AKR1C3: variants seen among roughly 807,000 people sequenced by gnomAD.
AKR1C3 encodes 3-alpha hydroxysteroid dehydrogenase, type II.
Under a neutral mutation model 43.6 loss-of-function variants are expected in AKR1C3, and 48 were observed. The observed-to-expected ratio is 1.10, with a 90% CI of 0.87 to 1.40. The LOEUF (loss-of-function observed/expected upper bound fraction) is 1.40, where lower values mean the gene tolerates loss of function less well. Ranked by LOEUF, AKR1C3 falls within the 40% of genes most tolerant of loss-of-function variation. The pLI is 0.00. For synonymous variants in AKR1C3, 162 were observed against 139.6 expected (o/e 1.16, Z -1.13); for missense variants, 482 against 391.2 (o/e 1.23, Z -1.96).
In AKR1C3 at chr10:5,096,416, A is replaced by G. The variant is rs1839208713; in HGVS notation, c.91A>G (p.Arg31Gly). The change falls in exon 2 of 9, where the codon AGA becomes GGA. Residue 31 changes from arginine (R) to glycine (G), a missense_variant. Coordinates refer to ENST00000380554, the MANE Select transcript of AKR1C3 (RefSeq NM_003739.6). ...FGTYAPPEVPRSKALEVTKLA... is the reference protein window; with the variant it reads ...FGTYAPPEVPGSKALEVTKLA... The stretch of plus-strand genomic sequence containing the variant: ...CCTTTGGTTGCTCCTCCAGGTTCCG[A>G]GAAGTAAAGCTTTGGAGGTCACAAA... The G allele has an allele frequency of 6.8e-6, 11 of 1,612,974 alleles. No homozygotes were observed. The highest frequency in any genetic ancestry group is 9.3e-6 in the Non-Finnish European group (11 of 1,179,282).
At chr10:5,070,666 A>G (rs1554781250) in intron 1 of AKR1C3, among the ~76,000 whole-genome samples, 1 of 152,188 alleles carries the variant, frequency 6.6e-6, no homozygotes, top group East Asian at 1.9e-4. Context: ...TGAGTGTGGA[A>G]CCATAATAAA....
At chr10:5,061,946 C>G (rs1340963828) in intron 1 of AKR1C3, among the ~76,000 whole-genome samples, 9 of 152,248 alleles carry the variant, frequency 5.9e-5, no homozygotes, top group Non-Finnish European at 1.2e-4. Context: ...AGCAAACTCT[C>G]CAAAATCCCA....
rs73591817 is a variant in AKR1C3, at chr10:5,076,812, G to A, written c.85-19598G>A. Among the ~76,000 whole-genome samples the A allele has an allele frequency of 2.7e-3, 411 of 152,204 alleles. 3 individuals carry two copies. Among genetic ancestry groups the A allele is most frequent in the African/African-American group, 8.5e-3 (354 of 41,558 alleles). ...GAAGTTCTCCCTCCTGACATGCTAC[G>A]CCATTACCCAGCCAAAGGAGCACTG... is the stretch of plus-strand genomic sequence containing the variant. On this transcript the variant is annotated intron_variant, in intron 1 of 8. Transcript: ENST00000439082.
intron 1 of AKR1C3, among the ~76,000 whole-genome samples, chr10:5,087,060 C>A (rs1341786928): frequency 2.0e-5 from 3 of 152,040 alleles, no homozygotes; most frequent in African/African-American, 7.2e-5. Context: ...GCATTTAGAC[C>A]ATTTACATTT....
intron 1 of AKR1C3, among the ~76,000 whole-genome samples, chr10:5,060,194 T>A (rs1001708030): frequency 1.6e-4 from 24 of 152,174 alleles, no homozygotes; most frequent in Non-Finnish European, 1.9e-4. Flanking sequence ...GTAGCAAGAT[T>A]TATTGCAAAG....
intron 1 of AKR1C3, among the ~76,000 whole-genome samples, chr10:5,061,998 T>C (rs1838392625): frequency 6.6e-6 from 1 of 152,248 alleles, no homozygotes. Context: ...GCACAAAGTT[T>C]TCAAACTTTA....
chr10:5,049,019 A>G (rs1838095366), intron 1 of AKR1C3: 7 of 732,978 alleles, frequency 9.6e-6, no homozygotes, highest in South Asian at 5.0e-5. Context: ...GAGTTTCCCT[A>G]GGTTAAAGCT....
chr10:5,100,530 C>T (rs1554785793), intron 5 of AKR1C3, among the ~76,000 whole-genome samples: 1 of 152,092 alleles, frequency 6.6e-6, no homozygotes, highest in Non-Finnish European at 1.5e-5. Context: ...GTTAATGATT[C>T]CAGGCCTCCT....
At chr10:5,099,293 C>T (rs1839290232) in intron 4 of AKR1C3, 34 bp from the exon 5 acceptor site, 2 of 1,613,542 alleles carry the variant, frequency 1.2e-6, no homozygotes, top group South Asian at 2.2e-5. Flanking sequence ...CAGCCAACTG[C>T]ACAAATAATT....
At chr10:5,103,048 C>G (rs1351315172) in intron 7 of AKR1C3, among the ~76,000 whole-genome samples, 2 of 151,572 alleles carry the variant, frequency 1.3e-5, no homozygotes, top group African/African-American at 4.9e-5. Context: ...TACCACCAAG[C>G]CCGGCTAATT....
At chr10:5,072,209 C>T (rs1377613158) in intron 1 of AKR1C3, among the ~76,000 whole-genome samples, 2 of 152,092 alleles carry the variant, frequency 1.3e-5, no homozygotes, top group Non-Finnish European at 2.9e-5. Context: ...CAAACCCTGG[C>T]ATAAGTCAAA....
At position 5,094,532 on chromosome 10, in the gene AKR1C3, A is replaced by G. The variant is rs782109978; in HGVS notation, c.84+4A>G. ...TGGCACCTATGCACCTCCAGAGGTA[A>G]GAATAATTCCTTTTAGTTTTCGGAT... On this transcript the variant is annotated splice_donor_region_variant and intron_variant, in intron 1 of 8. Transcript: ENST00000380554. The G allele has an allele frequency of 2.5e-6, 4 of 1,612,376 alleles. No homozygotes were observed. Among genetic ancestry groups the G allele is most frequent in the Admixed American group, 1.7e-5 (1 of 59,958 alleles).
intron 2 of AKR1C3, 37 bp from the exon 3 acceptor site, chr10:5,097,397 T>G (rs942348188): frequency 4.4e-6 from 7 of 1,605,728 alleles, no homozygotes; most frequent in Non-Finnish European, 6.0e-6. Flanking sequence ...TGCTCAAGCA[T>G]TCATTCAAAA....
chr10:5,054,421 G>T (rs183804719), intron 1 of AKR1C3, among the ~76,000 whole-genome samples: 2 of 152,264 alleles, frequency 1.3e-5, no homozygotes, highest in Admixed American at 1.3e-4. Flanking sequence ...GAGGGGTACT[G>T]ATAAGGTCTG....
chr10:5,096,744 T>A (rs1839216662), intron 2 of AKR1C3, among the ~76,000 whole-genome samples, 167 bp downstream of exon 2: 1 of 152,182 alleles, frequency 6.6e-6, no homozygotes, highest in South Asian at 2.1e-4. Flanking sequence ...GGAATGATGA[T>A]CACTTTTCAT....
chr10:5,076,083 G>A (rs553377236), intron 1 of AKR1C3, among the ~76,000 whole-genome samples: 4 of 152,090 alleles, frequency 2.6e-5, no homozygotes, highest in Non-Finnish European at 5.9e-5. Flanking sequence ...TTGCATTTAA[G>A]CCTGTTTTTA....
rs1341249383 is a variant in AKR1C3, at chr10:5,084,642, C to T, written c.85-11768C>T. Among the ~76,000 whole-genome samples the T allele has an allele frequency of 6.6e-5, 10 of 152,158 alleles. No homozygotes were observed. The East Asian group carries it at 1.5e-3, about 23-fold the overall frequency. Reference sequence around the variant, plus strand: ...GTAATTGGTAGCTTGATGGGGATGGCATTGAATCTATAAATTACCTTGGGC... The same window carrying T: ...GTAATTGGTAGCTTGATGGGGATGGTATTGAATCTATAAATTACCTTGGGC... On this transcript the variant is annotated intron_variant, in intron 1 of 8. Transcript: ENST00000439082.
chr10:5,078,503 C>T (rs1159322565), intron 1 of AKR1C3, among the ~76,000 whole-genome samples: 1 of 152,146 alleles, frequency 6.6e-6, no homozygotes, highest in Non-Finnish European at 1.5e-5. Context: ...AAAGTTTTCT[C>T]AGGGTAAACT....
chr10:5,056,244 T>C (rs1198403491), intron 1 of AKR1C3, among the ~76,000 whole-genome samples: 2 of 152,076 alleles, frequency 1.3e-5, no homozygotes, highest in Non-Finnish European at 2.9e-5. Flanking sequence ...AGTTGGGATG[T>C]GTGGTCTGTG....
Sources: gnomAD v4.1 joint callset for allele counts (sites outside exome capture counted in the v4.1 genomes callset) on GRCh38, gnomAD v4.1.1 for gene constraint, MANE v1.5 for transcripts, NCBI Gene and HGNC (gene_info 2026-07-23, HGNC 2026-07-21) for gene names.